Variants in PRKDC observed in about 807,000 individuals in gnomAD.
PRKDC encodes protein kinase, DNA-activated, catalytic subunit, also known as DNA-dependent protein kinase catalytic subunit.
Under a neutral mutation model 486.9 loss-of-function variants are expected in PRKDC, and 82 were observed. The observed-to-expected ratio is 0.17, with a 90% CI of 0.14 to 0.20. The LOEUF (loss-of-function observed/expected upper bound fraction) is 0.20, where lower values mean the gene tolerates loss of function less well. Ranked by LOEUF, PRKDC falls within the 10% of genes least tolerant of loss-of-function variation. PRKDC has a pLI of 1.00. For missense variants in PRKDC, 4,504 were observed against 5,038.2 expected, an observed-to-expected ratio of 0.89 and a Z score of 3.21; for synonymous variants, 1,895 against 1,837.0, an observed-to-expected ratio of 1.03 and a Z score of -0.81.
In PRKDC at chr8:47,785,463, G is replaced by A. The variant is rs548517799; in HGVS notation, c.10903-146C>T. 9.8e-6 allele frequency: 7 copies of A among 714,660 alleles called. No homozygotes were observed. In the South Asian group the frequency reaches 1.3e-4, roughly 13 times the overall value. 44.3% of individuals were successfully genotyped at this position (714,660 alleles called of 1,614,324 possible). On this transcript the variant is annotated intron_variant, in intron 76 of 85. Coordinates refer to ENST00000314191, the MANE Select transcript of PRKDC (RefSeq NM_006904.7). The stretch of plus-strand genomic sequence containing the variant: ...AGATGTATAGTTTTGGTTGGGCATG[G>A]TGGCTCATGCCTGTAATCCCAGCAC...
chr8:47,909,213 C>T (rs544168927), intron 25 of PRKDC, among the ~76,000 whole-genome samples: 9 of 152,124 alleles, frequency 5.9e-5, no homozygotes, highest in Non-Finnish European at 1.0e-4. Context: ...ACGGAGGGAC[C>T]GGTTGGAGCC....
chr8:47,857,176 T>C lies in PRKDC; in HGVS notation c.6589A>G (p.Thr2197Ala). The change falls in exon 49 of 86, where the codon ACA becomes GCA. Residue 2197 changes from threonine to alanine, a missense_variant. Coordinates refer to ENST00000314191, the MANE Select transcript of PRKDC (RefSeq NM_006904.7). ...CTTACTGTTGGAGTGGCCAAGCCTG[T>C]CCATGAAAGAATAGTGGCCACTATC... Reference protein sequence around the residue: ...VEIVATILSWTGLATPTGVPK... With the variant: ...VEIVATILSWAGLATPTGVPK... 1 of 1,613,842 alleles carries C rather than the reference T, an allele frequency of 6.2e-7. No homozygotes were observed. The highest frequency in any genetic ancestry group is 1.6e-4 in the Middle Eastern group (1 of 6,062).
At chr8:47,830,880 C>G (rs1281150136) in intron 60 of PRKDC, 144 bp from the exon 61 acceptor site, 2 of 953,732 alleles carry the variant, frequency 2.1e-6, no homozygotes, top group East Asian at 4.9e-5. Context: ...AGTCGCCGTA[C>G]TTTACCGTCT....
rs56307425 is a variant in PRKDC at position 47,903,008 on chromosome 8, T to C, written c.3043-213A>G. ...TTTCCTTCTGATATAATGAAAACAT[T>C]TTCTTTTAAACAAATTAATAAACTG... On this transcript the variant is annotated intron_variant, in intron 26 of 85. Transcript: ENST00000314191. Among the ~76,000 whole-genome samples, 5 of 152,326 alleles carry C rather than the reference T, an allele frequency of 3.3e-5. No homozygotes were observed. In the South Asian group the frequency reaches 1.0e-3, roughly 32 times the overall value.
At chr8:47,936,573 T>C (rs2090356294) in intron 11 of PRKDC, 56 bp from the exon 12 acceptor site, 3 of 1,582,112 alleles carry the variant, frequency 1.9e-6, no homozygotes, top group Admixed American at 1.7e-5. Context: ...CAAAATAATA[T>C]TTAAGGTGTC....
In PRKDC at chr8:47,799,335, G is replaced by A. The variant is rs562934408; in HGVS notation, c.10172C>T (p.Ala3391Val). 170 of 1,611,116 alleles carry A rather than the reference G, an allele frequency of 1.1e-4. No homozygotes were observed. Among genetic ancestry groups the A allele is most frequent in the Middle Eastern group, 5.0e-4 (3 of 6,060 alleles). The change falls in exon 72 of 86, where the codon GCG (alanine) becomes GTG (valine). Residue 3391 changes from alanine to valine, a missense_variant. Physicochemically the swap from Ala to Val is moderately conservative, Grantham distance 64. Around this residue, in one of 6 missense-constraint regions of PRKDC, gnomAD observed 706 missense variants for 945.0 expected, o/e 0.75. Coordinates refer to ENST00000314191, the MANE Select transcript of PRKDC (RefSeq NM_006904.7). Reference protein sequence around the residue: ...AFQHLSEAVQAAEEEAQPPSW... With the variant: ...AFQHLSEAVQVAEEEAQPPSW... ...GGGAGGCTGGGCCTCCTCCTCAGCC[G>A]CCTGCACAGCCTCAGAGAGGTGCTG... is the stretch of plus-strand genomic sequence containing the variant.
chr8:47,861,612 C>T (rs8178129), intron 44 of PRKDC, among the ~76,000 whole-genome samples: 1,832 of 152,348 alleles, frequency 0.012, 138 homozygotes, highest in Admixed American at 0.1. Context: ...ACCACATTCT[C>T]ACCAACTGCC....
chr8:47,902,741 T>C lies in PRKDC; in HGVS notation c.3097A>G (p.Ile1033Val). The C allele has an allele frequency of 6.2e-7, 1 of 1,613,836 alleles. No homozygotes were observed. The highest frequency in any genetic ancestry group is 8.5e-7 in the Non-Finnish European group (1 of 1,179,816). Reference sequence around the variant, plus strand: ...ATGGACCATTTAAGGAATTCTCGAATACACCGACCACAAAAATCTCTTAAA... The same window carrying C: ...ATGGACCATTTAAGGAATTCTCGAACACACCGACCACAAAAATCTCTTAAA... ...STLRDFCGRCIREFLKWSIKQ... is the reference protein window; with the variant it reads ...STLRDFCGRCVREFLKWSIKQ... The change falls in exon 27 of 86, where the codon ATT becomes GTT. Residue 1033 changes from isoleucine to valine, a missense_variant. By Grantham distance (29) the Ile-to-Val change is conservative. This residue lies in a region of PRKDC where 1,969 missense variants were observed against 2,068.9 expected (regional missense o/e 0.95). Transcript: ENST00000314191.
At chr8:47,862,027 G>A (rs922543867) in intron 44 of PRKDC, 35 bp downstream of exon 44, 9 of 1,494,366 alleles carry the variant, frequency 6.0e-6, no homozygotes, top group South Asian at 1.3e-5. Flanking sequence ...GTGAGCACTT[G>A]ATAAGTTTTT....
chr8:47,825,504 C>CAAAAAAAAAAAAA (rs397891351), intron 63 of PRKDC, among the ~76,000 whole-genome samples: 1 of 10,254 alleles, frequency 9.8e-5, no homozygotes, highest in African/African-American at 3.6e-4. Context: ...AAGACTGTCT[C>CAAAAAAAAAAAAA]AAAAAAAAAA....
intron 21 of PRKDC, among the ~76,000 whole-genome samples, chr8:47,923,836 C>G (rs2090113436): frequency 1.3e-5 from 2 of 152,168 alleles, no homozygotes; most frequent in African/African-American, 4.8e-5. Flanking sequence ...GTGAACAAGC[C>G]TGGACTAGCC....
chr8:47,913,333 T>C (rs1456289821), intron 24 of PRKDC, among the ~76,000 whole-genome samples: 3 of 152,194 alleles, frequency 2.0e-5, no homozygotes, highest in Non-Finnish European at 4.4e-5. Flanking sequence ...CGAATATCAC[T>C]CTCAAATGCC....
Position 47,821,493 on chromosome 8 carries a change from C to T in PRKDC, c.9111+111G>A, listed in dbSNP as rs116920948. ...TAGGTGGACTCAGGTCATGCAATTC[C>T]CTAGTGCTTCACAAGTACTACCTGT... On this transcript the variant is annotated intron_variant, in intron 65 of 85. Transcript: ENST00000314191. The T allele has an allele frequency of 5.9e-4, 605 of 1,019,480 alleles. 4 individuals are homozygous for T. The East Asian group carries it at 0.014, about 24-fold the overall frequency. The allele number at this position is 1,019,480 out of a possible 1,614,324, so 63.2% of individuals were successfully genotyped here. A position where few individuals can be genotyped will look rare whatever the true frequency, so the allele number is the denominator to read the frequency against.
At chr8:47,891,502 C>T (rs1411866489) in intron 31 of PRKDC, among the ~76,000 whole-genome samples, 1 of 152,064 alleles carries the variant, frequency 6.6e-6, no homozygotes, top group Non-Finnish European at 1.5e-5. Flanking sequence ...AGGCGGATCA[C>T]GAGGTCAGGA....
intron 10 of PRKDC, among the ~76,000 whole-genome samples, chr8:47,942,368 G>A (rs1248432612): frequency 2.0e-5 from 3 of 152,196 alleles, no homozygotes; most frequent in Non-Finnish European, 4.4e-5. Flanking sequence ...GGAGGCGAGA[G>A]GGACAGGCGG....
intron 3 of PRKDC, 136 bp from the exon 4 acceptor site, chr8:47,956,084 C>T (rs1476752153): frequency 1.8e-5 from 12 of 680,536 alleles, no homozygotes; most frequent in East Asian, 5.6e-5. Context: ...AACATTAGGC[C>T]GGGCATAGTG....
In PRKDC at chr8:47,906,188, T is replaced by C. The variant is rs149932351; in HGVS notation, c.2935-1212A>G. Among the ~76,000 whole-genome samples, 171 of 152,256 alleles carry C rather than the reference T, an allele frequency of 1.1e-3. 1 individual carries two copies. The highest frequency in any genetic ancestry group is 3.7e-3 in the African/African-American group (155 of 41,556). ...AGGAAGACCTTGTCTCTCAAAAAAT[T>C]ATTTTTTAACTAGCTAGGCACGGTG... On this transcript the variant is annotated intron_variant, in intron 25 of 85. Transcript: ENST00000314191.
intron 54 of PRKDC, among the ~76,000 whole-genome samples, chr8:47,847,839 T>G (rs1214367311): frequency 6.6e-6 from 1 of 151,050 alleles, no homozygotes; most frequent in Non-Finnish European, 1.5e-5. Context: ...GCAAAAGACA[T>G]GGATACTTCT....
At chr8:47,924,514 T>G (rs986385794) in intron 21 of PRKDC, among the ~76,000 whole-genome samples, 1 of 151,920 alleles carries the variant, frequency 6.6e-6, no homozygotes, top group Non-Finnish European at 1.5e-5. Context: ...GAGCCAAGAT[T>G]GCACCACTGC....
Sources: gnomAD v4.1 joint callset for allele counts (sites outside exome capture counted in the v4.1 genomes callset) on GRCh38, gnomAD v4.1.1 for gene constraint, gnomAD v4.1.1 regional missense constraint, MANE v1.5 for transcripts, NCBI Gene and HGNC (gene_info 2026-07-23, HGNC 2026-07-21) for gene names.